KIR2DL3: variants seen among roughly 807,000 people sequenced by gnomAD.
The protein encoded by KIR2DL3 is killer cell immunoglobulin like receptor, two Ig domains and long cytoplasmic tail 3, also known as killer cell immunoglobulin-like receptor 2DL3.
Under a neutral mutation model 33.8 loss-of-function variants are expected in KIR2DL3, and 39 were observed. That is an observed-to-expected ratio of 1.15 (90% confidence interval 0.89 to 1.51). KIR2DL3 has a LOEUF of 1.51. Ranked by LOEUF, KIR2DL3 falls within the 40% of genes most tolerant of loss-of-function variation. KIR2DL3 has a pLI of 0.00. For missense variants in KIR2DL3, 462 were observed against 426.2 expected (o/e 1.08, Z -0.74); for synonymous variants, 174 against 160.2 (o/e 1.09, Z -0.65).
At chr19:54,748,208 C>T (rs1271710157) in intron 5 of KIR2DL3, among the ~76,000 whole-genome samples, 4 of 151,748 alleles carry the variant, frequency 2.6e-5, no homozygotes, top group African/African-American at 9.7e-5. Flanking sequence ...TGCCTTCTTC[C>T]TTACCACACC....
At position 54,744,003 on chromosome 19, in the gene KIR2DL3, A is replaced by C. The variant is rs2071737385; in HGVS notation, c.579A>C (p.Gly193=). The C allele has an allele frequency of 6.2e-7, 1 of 1,614,072 alleles. No homozygotes were observed. The highest frequency in any genetic ancestry group is 8.5e-7 in the Non-Finnish European group (1 of 1,180,008). The change falls in exon 4 of 8, where the codon GGA becomes GGC. Residue 193 remains glycine, a synonymous_variant. Coordinates refer to ENST00000342376, the MANE Select transcript of KIR2DL3 (RefSeq NM_015868.3). ...ADFPLGPATH[G]GTYRCFGSFR... ...TTCCTCTGGGCCCTGCCACCCACGG[A>C]GGAACCTACAGATGCTTCGGCTCTT...
rs556756433 is a variant in KIR2DL3 at position 54,752,956 on chromosome 19, A to T, written c.*437A>T. ...CTCATGCTGTTCCACCTCCCCTCAG[A>T]CTAGCTTTCAGCCTTCTGTCAGCAG... On this transcript the variant is annotated 3_prime_UTR_variant, in exon 8 of 8. Transcript: ENST00000342376. 19 of 233,994 alleles carry T rather than the reference A, an allele frequency of 8.1e-5. No homozygotes were observed. In the Admixed American group the frequency reaches 1.0e-3, roughly 12 times the overall value. 14.5% of individuals were successfully genotyped at this position (233,994 alleles called of 1,614,324 possible).
chr19:54,743,652 C>T (rs372548283), intron 3 of KIR2DL3, 143 bp from the exon 4 acceptor site: 92,993 of 905,822 alleles, frequency 0.1, 113 homozygotes, highest in South Asian at 0.2. Flanking sequence ...AGGAAATAGA[C>T]ATGAAGAGAG....
chr19:54,751,877 A>C lies in KIR2DL3; in HGVS notation c.820+124A>C, dbSNP rs559692723. ...GGCCCAAGGCAGCAGCCACAGAGGG[A>C]GGACTTTCTAGAGAGAGCACCAGAC... On this transcript the variant is annotated intron_variant, in intron 6 of 7. Coordinates refer to ENST00000342376, the MANE Select transcript of KIR2DL3 (RefSeq NM_015868.3). The C allele has an allele frequency of 3.2e-4, 273 of 851,382 alleles. 74 individuals are homozygous for C. In the South Asian group the frequency reaches 4.8e-3, roughly 15 times the overall value. 52.7% of individuals were successfully genotyped at this position (851,382 alleles called of 1,614,324 possible). A position where few individuals can be genotyped will look rare whatever the true frequency, so the allele number is the denominator to read the frequency against.
At chr19:54,744,952 A>ATT (rs1158879610) in intron 4 of KIR2DL3, among the ~76,000 whole-genome samples, 3 of 27,202 alleles carry the variant, frequency 1.1e-4, no homozygotes, top group African/African-American at 2.8e-4. Context: ...ATATATATAT[A>ATT]TATTTTTTTT....
At position 54,751,387 on chromosome 19, in the gene KIR2DL3, C is replaced by A. The variant is rs1488653710; in HGVS notation, c.716-262C>A. 1.5e-5 allele frequency among the ~76,000 whole-genome samples: 2 copies of A among 132,696 alleles called. 1 individual carries two copies. Among genetic ancestry groups the A allele is most frequent in the African/African-American group, 5.7e-5 (2 of 34,824 alleles). 87.1% of individuals were successfully genotyped at this position (132,696 alleles called of 152,430 possible). ...CCCAAACACCTCTCAAGAGGCCCAA[C>A]CTCCCACAGTGGGGGTGAAATTTCA... On this transcript the variant is annotated intron_variant, in intron 5 of 7. Transcript: ENST00000342376.
intron 4 of KIR2DL3, among the ~76,000 whole-genome samples, chr19:54,744,679 A>C (rs548388564): frequency 6.7e-6 from 1 of 150,272 alleles, no homozygotes; most frequent in South Asian, 2.1e-4. Flanking sequence ...GGCGCGCACC[A>C]CCACGCCAGG....
At chr19:54,739,098 C>T (rs2070444490) in intron 1 of KIR2DL3, among the ~76,000 whole-genome samples, 2 of 149,862 alleles carry the variant, frequency 1.3e-5, no homozygotes, top group South Asian at 4.2e-4. Flanking sequence ...GAGATATGGG[C>T]CTAGGAAGGA....
intron 3 of KIR2DL3, among the ~76,000 whole-genome samples, chr19:54,742,603 A>G (rs1306174980): frequency 6.6e-6 from 1 of 151,898 alleles, no homozygotes; most frequent in African/African-American, 2.4e-5. Flanking sequence ...TAGAAGTTTC[A>G]TTTCTGTTTT....
chr19:54,739,039 G>T (rs1486319053), intron 1 of KIR2DL3, among the ~76,000 whole-genome samples: 2 of 148,472 alleles, frequency 1.3e-5, no homozygotes, highest in Non-Finnish European at 3.0e-5. Flanking sequence ...GGAGATATGG[G>T]CCAGGAGTGG....
chr19:54,744,322 C>G (rs2071840061), intron 4 of KIR2DL3, among the ~76,000 whole-genome samples: 1 of 152,032 alleles, frequency 6.6e-6, no homozygotes, highest in African/African-American at 2.4e-5. Context: ...AGAAAACGGT[C>G]AGGAGAGACC....
chr19:54,739,354 A>G (rs371292149), intron 1 of KIR2DL3, among the ~76,000 whole-genome samples, 153 bp from the exon 2 acceptor site: 9,011 of 151,802 alleles, frequency 0.059, 346 homozygotes, highest in African/African-American at 0.11. Context: ...TGCACAGCCG[A>G]CAGCCCTGTT....
At chr19:54,745,653 C>T (rs1401743965) in intron 4 of KIR2DL3, among the ~76,000 whole-genome samples, 8 of 151,598 alleles carry the variant, frequency 5.3e-5, no homozygotes, top group African/African-American at 1.7e-4. Flanking sequence ...CATGATCCAC[C>T]TCACCCAACC....
In KIR2DL3 at chr19:54,750,360, C is replaced by T. The variant is rs548391848; in HGVS notation, c.716-1289C>T. Among the ~76,000 whole-genome samples, 28 of 141,722 alleles carry T rather than the reference C, an allele frequency of 2.0e-4. 4 individuals carry two copies. The highest frequency in any genetic ancestry group is 7.2e-4 in the African/African-American group (27 of 37,702). The allele number at this position is 141,722 out of a possible 152,430, so 93.0% of individuals were successfully genotyped here. A position where few individuals can be genotyped will look rare whatever the true frequency, so the allele number is the denominator to read the frequency against. On this transcript the variant is annotated intron_variant, in intron 5 of 7. Transcript: ENST00000342376. ...CAGGTGGTATTGAAGCAATAGATGGCCGAGGGGGTGGTCCTTCCCCCAGCC... is the reference window on the plus strand; with the variant it reads ...CAGGTGGTATTGAAGCAATAGATGGTCGAGGGGGTGGTCCTTCCCCCAGCC...
Position 54,751,042 on chromosome 19 carries a change from C to T in KIR2DL3, c.716-607C>T, listed in dbSNP as rs78799030. On this transcript the variant is annotated intron_variant, in intron 5 of 7. Transcript: ENST00000342376. ...GTCCATTTTTGTTGCTCTAAAGGAA[C>T]ACTTGAGCCTGGGTAACTTCTAGAG... 4.9e-5 allele frequency among the ~76,000 whole-genome samples: 6 copies of T among 122,766 alleles called. No homozygotes were observed. The East Asian group carries it at 1.3e-3, about 26-fold the overall frequency. The allele number at this position is 122,766 out of a possible 152,430, so 80.5% of individuals were successfully genotyped here. A position where few individuals can be genotyped will look rare whatever the true frequency, so the allele number is the denominator to read the frequency against.
rs1177112432 is a variant in KIR2DL3 at position 54,744,921 on chromosome 19, C to CATATAT, written c.664+862_664+867dup. Among the ~76,000 whole-genome samples, 109 of 25,230 alleles carry CATATAT rather than the reference C, an allele frequency of 4.3e-3. 1 individual carries two copies. Among genetic ancestry groups the CATATAT allele is most frequent in the Middle Eastern group, 0.026 (1 of 38 alleles). 16.6% of individuals were successfully genotyped at this position (25,230 alleles called of 152,430 possible). A position where few individuals can be genotyped will look rare whatever the true frequency, so the allele number is the denominator to read the frequency against. Reference sequence around the variant, plus strand: ...ATACACACACACACACATATATAAACATATATATATATATATATATATATA... The same window carrying CATATAT: ...ATACACACACACACACATATATAAACATATATATATATATATATATATATATATATA... On this transcript the variant is annotated intron_variant, in intron 4 of 7. Coordinates refer to ENST00000342376, the MANE Select transcript of KIR2DL3 (RefSeq NM_015868.3).
chr19:54,743,234 T>C (rs2071520396), intron 3 of KIR2DL3, among the ~76,000 whole-genome samples: 1 of 152,124 alleles, frequency 6.6e-6, no homozygotes, highest in African/African-American at 2.4e-5. Flanking sequence ...ATTGATTCAT[T>C]AATAGATAAT....
chr19:54,751,240 A>T (rs1379754511), intron 5 of KIR2DL3, among the ~76,000 whole-genome samples: 2 of 129,710 alleles, frequency 1.5e-5, no homozygotes, highest in Non-Finnish European at 3.4e-5. Flanking sequence ...GGGGAGGGGG[A>T]GCGATGGAGC....
rs2071777255 is a variant in KIR2DL3 at position 54,744,118 on chromosome 19, C to T, written c.664+30C>T. On this transcript the variant is annotated intron_variant, in intron 4 of 7. Transcript: ENST00000342376. The stretch of plus-strand genomic sequence containing the variant: ...GGAAACCCCATATCTGTCTCATGTC[C>T]TATGATCCTAGAGCCTTAGCTGAGG... 2.5e-6 allele frequency: 4 copies of T among 1,613,462 alleles called. No homozygotes were observed. The East Asian group carries it at 8.9e-5, about 36-fold the overall frequency.
Sources: allele counts gnomAD v4.1 joint callset (sites outside exome capture counted in the v4.1 genomes callset), GRCh38; gene constraint gnomAD v4.1.1; transcripts MANE v1.5; gene names NCBI Gene and HGNC (gene_info 2026-07-23, HGNC 2026-07-21).